Variants in VWA8 observed in about 807,000 individuals in gnomAD.
VWA8 encodes von Willebrand factor A domain-containing protein 8.
Under a neutral mutation model 241.5 loss-of-function variants are expected in VWA8, and 221 were observed. The ratio of observed to expected loss-of-function variants is 0.91; its 90% CI spans 0.82 to 1.02. The LOEUF (loss-of-function observed/expected upper bound fraction) is 1.02. Ranked by LOEUF, VWA8 falls within the 50% of genes least tolerant of loss-of-function variation. VWA8 has a pLI of 0.00. For synonymous variants in VWA8, 852 were observed against 827.1 expected (o/e 1.03, Z -0.52); for missense variants, 2,322 against 2,328.7 (o/e 1.00, Z 0.06).
intron 17 of VWA8, among the ~76,000 whole-genome samples, chr13:41,794,086 T>A (rs964281792): frequency 2.7e-5 from 4 of 149,702 alleles, no homozygotes; most frequent in Non-Finnish European, 6.0e-5. Flanking sequence ...TGTCTCCAGC[T>A]TTTTTTTTTC....
intron 21 of VWA8, among the ~76,000 whole-genome samples, chr13:41,755,070 A>G (rs932826980): frequency 2.6e-5 from 4 of 152,154 alleles, no homozygotes; most frequent in African/African-American, 9.7e-5. Context: ...TGCAATAAAC[A>G]TAAGAGTGCA....
At chr13:41,675,852 G>A (rs2045056808) in intron 35 of VWA8, among the ~76,000 whole-genome samples, 1 of 152,122 alleles carries the variant, frequency 6.6e-6, no homozygotes, top group Admixed American at 6.5e-5. Context: ...AGGATTAGAT[G>A]AAATTAGTAA....
intron 35 of VWA8, among the ~76,000 whole-genome samples, chr13:41,679,727 T>G (rs1178650651): frequency 6.6e-6 from 1 of 152,214 alleles, no homozygotes; most frequent in Non-Finnish European, 1.5e-5. Flanking sequence ...ACTAATTAGA[T>G]GGTTGGATTT....
intron 4 of VWA8, among the ~76,000 whole-genome samples, chr13:41,899,104 A>C (rs911066961): frequency 9.2e-5 from 14 of 152,368 alleles, no homozygotes; most frequent in African/African-American, 3.4e-4. Context: ...GCCGAGAGCA[A>C]GCGAGGGCTC....
intron 5 of VWA8, among the ~76,000 whole-genome samples, chr13:41,890,279 T>G (rs1224689670): frequency 6.6e-6 from 1 of 152,222 alleles, no homozygotes; most frequent in Non-Finnish European, 1.5e-5. Context: ...GAGACACAGA[T>G]CTTGCTCGTG....
chr13:41,848,318 C>G (rs1872376307), intron 12 of VWA8, among the ~76,000 whole-genome samples: 2 of 152,100 alleles, frequency 1.3e-5, no homozygotes, highest in African/African-American at 2.4e-5. Flanking sequence ...AAATGAGGAG[C>G]CTCTCACTTG....
At chr13:41,595,676 G>C (rs904818220) in intron 40 of VWA8, among the ~76,000 whole-genome samples, 1 of 152,094 alleles carries the variant, frequency 6.6e-6, no homozygotes. Flanking sequence ...TACCCATGTT[G>C]TGTGTGGCAG....
chr13:41,711,823 G>C (rs933148449), intron 26 of VWA8, among the ~76,000 whole-genome samples: 1 of 151,784 alleles, frequency 6.6e-6, no homozygotes, highest in Non-Finnish European at 1.5e-5. Flanking sequence ...ACAGTGAGCC[G>C]AGATCATGCC....
At chr13:41,667,944 T>C (rs951854368) in intron 37 of VWA8, among the ~76,000 whole-genome samples, 2 of 152,206 alleles carry the variant, frequency 1.3e-5, no homozygotes, top group South Asian at 2.1e-4. Flanking sequence ...ACATTTTATA[T>C]GTAGAGCTCA....
At chr13:41,898,219 AG>A (rs1875225786) in intron 4 of VWA8, among the ~76,000 whole-genome samples, 1 of 151,904 alleles carries the variant, frequency 6.6e-6, no homozygotes, top group African/African-American at 2.4e-5. Flanking sequence ...CCACCAGAGC[AG>A]GTAGATACAG....
intron 14 of VWA8, among the ~76,000 whole-genome samples, chr13:41,821,286 C>T (rs12866955): frequency 3.3e-5 from 5 of 152,262 alleles, no homozygotes; most frequent in Admixed American, 3.3e-4. Flanking sequence ...AAGGCAGTTT[C>T]TAAGACAGCT....
At chr13:41,821,200 G>A (rs1362585859) in intron 14 of VWA8, among the ~76,000 whole-genome samples, 1 of 152,126 alleles carries the variant, frequency 6.6e-6, no homozygotes, top group African/African-American at 2.4e-5. Context: ...TAATTTACTG[G>A]CCCATATATT....
chr13:41,774,675 C>A (rs1450703046), intron 20 of VWA8, among the ~76,000 whole-genome samples: 1 of 152,134 alleles, frequency 6.6e-6, no homozygotes, highest in Non-Finnish European at 1.5e-5. Flanking sequence ...ATAGCATTCA[C>A]AAGCACTTTA....
chr13:41,693,000 T>C (rs770105994), intron 29 of VWA8, 28 bp from the exon 30 acceptor site: 1 of 1,252,938 alleles, frequency 8.0e-7, no homozygotes, highest in Non-Finnish European at 1.1e-6. Context: ...AGTGAAAAGC[T>C]CAAGATTTGT....
intron 43 of VWA8, among the ~76,000 whole-genome samples, chr13:41,572,408 G>A (rs879791935): frequency 8.5e-5 from 13 of 152,258 alleles, no homozygotes; most frequent in Non-Finnish European, 1.8e-4. Flanking sequence ...TGTTGGTGTA[G>A]AAAGAAGTAG....
chr13:41,653,192 G>A (rs983981531), intron 37 of VWA8, among the ~76,000 whole-genome samples: 4 of 151,994 alleles, frequency 2.6e-5, no homozygotes, highest in African/African-American at 7.2e-5. Flanking sequence ...TTTCCTTAGG[G>A]CTTGTTCACA....
intron 40 of VWA8, among the ~76,000 whole-genome samples, chr13:41,603,940 T>C (rs2044537845): frequency 6.6e-6 from 1 of 152,150 alleles, no homozygotes; most frequent in Non-Finnish European, 1.5e-5. Context: ...ACTCAGGAAA[T>C]TTAGTTGACT....
At chr13:41,887,065 C>T in intron 6 of VWA8, 132 bp downstream of exon 6, 1 of 1,153,726 alleles carries the variant, frequency 8.7e-7, no homozygotes, top group Non-Finnish European at 1.2e-6. Context: ...TTTCTTTACT[C>T]TTTATTCTCA....
intron 38 of VWA8, 58 bp from the exon 39 acceptor site, chr13:41,611,790 G>C (rs1352374543): frequency 6.2e-7 from 1 of 1,601,312 alleles, no homozygotes; most frequent in Admixed American, 1.7e-5. Flanking sequence ...CAGAACAAAA[G>C]TTGGGTCATG....
Sources: gnomAD v4.1 joint callset for allele counts (sites outside exome capture counted in the v4.1 genomes callset) on GRCh38, gnomAD v4.1.1 for gene constraint, MANE v1.5 for transcripts, NCBI Gene and HGNC (gene_info 2026-07-23, HGNC 2026-07-21) for gene names.